INPP5K: variants seen among roughly 807,000 people sequenced by gnomAD.
INPP5K encodes the protein inositol polyphosphate-5-phosphatase K.
A neutral mutation model predicts 53.5 loss-of-function variants in INPP5K; 35 were observed. That is an observed-to-expected ratio of 0.65 (90% confidence interval 0.50 to 0.87). The LOEUF is 0.87. Among genes scored for constraint, INPP5K ranks in the 40% least tolerant of loss-of-function variants. INPP5K has a pLI of 0.00. For missense variants in INPP5K, 550 were observed against 586.2 expected (o/e 0.94, Z 0.64); for synonymous variants, 253 against 232.8 (o/e 1.09, Z -0.79).
rs147824931 is a variant in INPP5K at position 1,515,751 on chromosome 17, A to C, written c.44+705T>G. 5,303 of 598,682 alleles carry C rather than the reference A, an allele frequency of 8.9e-3. 49 individuals are homozygous for C. The highest frequency in any genetic ancestry group is 0.02 in the Middle Eastern group (23 of 1,146). The allele number at this position is 598,682 out of a possible 1,614,324, so 37.1% of individuals were successfully genotyped here. ...CTGTCCCTCCCTGTTAGCATAAACA[A>C]CACTATACAGAAACCACCTTCCCAG... is the stretch of plus-strand genomic sequence containing the variant. On this transcript the variant is annotated intron_variant, in intron 1 of 11. Transcript: ENST00000421807.
chr17:1,501,858 AACACACACACAC>A (rs144743570), intron 7 of INPP5K, among the ~76,000 whole-genome samples: 1 of 147,734 alleles, frequency 6.8e-6, no homozygotes, highest in South Asian at 2.2e-4. Context: ...CTCTACTAAA[AACACACACACAC>A]ACACACACAC....
In INPP5K at chr17:1,509,763, C is replaced by T. The variant is rs994675358; in HGVS notation, c.298G>A (p.Val100Ile). The change falls in exon 4 of 12, where the codon GTC becomes ATC. Residue 100 changes from valine to isoleucine, a missense_variant. Coordinates refer to ENST00000421807, the MANE Select transcript of INPP5K (RefSeq NM_016532.4). ...GGCAAATGCTGATACTTGGCAAAGA[C>T]CAGTAAGAGGATCCCCTGCATACGG... Reference protein sequence around the residue: ...HVRMQGILLLVFAKYQHLPYI... With the variant: ...HVRMQGILLLIFAKYQHLPYI... 2 of 1,613,500 alleles carry T rather than the reference C, an allele frequency of 1.2e-6. No individual in the cohort carries two copies. Among genetic ancestry groups the T allele is most frequent in the Admixed American group, 1.7e-5 (1 of 59,916 alleles).
intron 3 of INPP5K, among the ~76,000 whole-genome samples, chr17:1,513,248 C>T (rs1051499879): frequency 2.6e-5 from 4 of 152,276 alleles, no homozygotes; most frequent in Non-Finnish European, 2.9e-5. Flanking sequence ...GTTAACCCAA[C>T]CCCTGGAGAC....
At chr17:1,500,200 C>T (rs1271015123) in intron 7 of INPP5K, among the ~76,000 whole-genome samples, 2 of 152,202 alleles carry the variant, frequency 1.3e-5, no homozygotes, top group East Asian at 3.8e-4. Flanking sequence ...GGAGTCTGAC[C>T]ACCCCATCCT....
chr17:1,501,912 G>A (rs191365525), intron 7 of INPP5K, among the ~76,000 whole-genome samples: 2 of 151,858 alleles, frequency 1.3e-5, no homozygotes, highest in Admixed American at 1.3e-4. Context: ...GCATGTGCCT[G>A]TAACCCCAGC....
At chr17:1,500,296 T>C (rs1484804909) in intron 7 of INPP5K, among the ~76,000 whole-genome samples, 1 of 152,140 alleles carries the variant, frequency 6.6e-6, no homozygotes, top group Non-Finnish European at 1.5e-5. Flanking sequence ...ATTTGCTGCC[T>C]GGAACACCTT....
chr17:1,497,200 C>T (rs1446919915), intron 8 of INPP5K, among the ~76,000 whole-genome samples: 6 of 152,160 alleles, frequency 3.9e-5, no homozygotes, highest in South Asian at 2.1e-4. Flanking sequence ...CAGATACCAG[C>T]GGGGGCCAGG....
At chr17:1,510,269 T>C (rs1211180095) in intron 3 of INPP5K, among the ~76,000 whole-genome samples, 1 of 152,150 alleles carries the variant, frequency 6.6e-6, no homozygotes, top group Non-Finnish European at 1.5e-5. Flanking sequence ...CAGGCTGGAG[T>C]GCAATGGCGT....
chr17:1,511,366 C>T (rs551995591), intron 3 of INPP5K, among the ~76,000 whole-genome samples: 5 of 152,306 alleles, frequency 3.3e-5, no homozygotes, highest in African/African-American at 4.8e-5. Context: ...GGGAATGGGC[C>T]GCAGCCAGTA....
chr17:1,509,808 G>C lies in INPP5K; in HGVS notation c.262-9C>G. 2 of 1,565,700 alleles carry C rather than the reference G, an allele frequency of 1.3e-6. No individual in the cohort carries two copies. Among genetic ancestry groups the C allele is most frequent in the Non-Finnish European group, 1.8e-6 (2 of 1,137,426 alleles). The stretch of plus-strand genomic sequence containing the variant: ...ATACGGACATGGGAGACCTGCAGGA[G>C]AGAGAGGGCAAAGGTCGCTCATTAA... On this transcript the variant is annotated splice_polypyrimidine_tract_variant and intron_variant, in intron 3 of 11. Coordinates refer to ENST00000421807, the MANE Select transcript of INPP5K (RefSeq NM_016532.4).
intron 7 of INPP5K, among the ~76,000 whole-genome samples, chr17:1,504,470 C>T (rs924943269): frequency 6.6e-6 from 1 of 152,236 alleles, no homozygotes; most frequent in Non-Finnish European, 1.5e-5. Context: ...GATCCTGGCC[C>T]CAGCCAGGAG....
At position 1,516,584 on chromosome 17, in the gene INPP5K, C is replaced by G. The variant is rs947373005; in HGVS notation, c.-85G>C. 4.2e-6 allele frequency: 6 copies of G among 1,433,644 alleles called. No homozygotes were observed. Among genetic ancestry groups the G allele is most frequent in the Non-Finnish European group, 4.5e-6 (5 of 1,101,328 alleles). 88.8% of individuals were successfully genotyped at this position (1,433,644 alleles called of 1,614,324 possible). On this transcript the variant is annotated 5_prime_UTR_variant, in exon 1 of 12. Transcript: ENST00000421807. Reference sequence around the variant, plus strand: ...CGGCCAGAGCAGCCCTGCGGGCGGCCGGTCTCACGCGCCTAGCTGTCGCGG... The same window carrying G: ...CGGCCAGAGCAGCCCTGCGGGCGGCGGGTCTCACGCGCCTAGCTGTCGCGG...
At position 1,495,794 on chromosome 17, in the gene INPP5K, C is replaced by T; in HGVS notation, c.*29G>A. On this transcript the variant is annotated 3_prime_UTR_variant, in exon 12 of 12. Transcript: ENST00000421807. ...GGCAGAGCTGGCTGCCAGCTCTGGC[C>T]TCCGCCTGGGATTCACTCCCATCCT... 1 of 1,589,034 alleles carries T rather than the reference C, an allele frequency of 6.3e-7. No homozygotes were observed. The highest frequency in any genetic ancestry group is 8.6e-7 in the Non-Finnish European group (1 of 1,159,460).
intron 7 of INPP5K, among the ~76,000 whole-genome samples, chr17:1,502,131 T>C (rs138705928): frequency 0.033 from 4,972 of 150,782 alleles, 100 homozygotes; most frequent in Non-Finnish European, 0.036. Flanking sequence ...GGGCAGATCA[T>C]GAGGTCAGGA....
chr17:1,508,392 C>G, intron 5 of INPP5K, 166 bp from the exon 6 acceptor site: 1 of 625,358 alleles, frequency 1.6e-6, no homozygotes, highest in Non-Finnish European at 2.9e-6. Flanking sequence ...GTTCTCATGG[C>G]TCCTAAACCA....
chr17:1,500,153 A>C (rs1054339103), intron 7 of INPP5K, among the ~76,000 whole-genome samples: 5 of 152,140 alleles, frequency 3.3e-5, no homozygotes, highest in Admixed American at 1.3e-4. Flanking sequence ...CTCCAGAATA[A>C]AGTTAAAGTC....
chr17:1,500,817 C>G (rs1463448524), intron 7 of INPP5K, among the ~76,000 whole-genome samples: 1 of 152,146 alleles, frequency 6.6e-6, no homozygotes. Flanking sequence ...TCCTGGCACA[C>G]AGGTACTCAA....
At chr17:1,495,928 T>G (rs956386759) in intron 11 of INPP5K, 49 bp from the exon 12 acceptor site, 1 of 1,521,560 alleles carries the variant, frequency 6.6e-7, no homozygotes, top group Non-Finnish European at 9.1e-7. Flanking sequence ...TCTTCCTCCG[T>G]GCTTTCCATC....
At chr17:1,500,418 G>A (rs1034457268) in intron 7 of INPP5K, among the ~76,000 whole-genome samples, 1 of 151,314 alleles carries the variant, frequency 6.6e-6, no homozygotes, top group Non-Finnish European at 1.5e-5. Context: ...AGGCTGGAGT[G>A]CACTGGCGCA....
Sources: gnomAD v4.1 joint callset for allele counts (sites outside exome capture counted in the v4.1 genomes callset) on GRCh38, gnomAD v4.1.1 for gene constraint, MANE v1.5 for transcripts, NCBI Gene and HGNC (gene_info 2026-07-23, HGNC 2026-07-21) for gene names.